The following TMEM117 variants were observed in gnomAD, a reference collection of about 807,000 sequenced individuals.
TMEM117 encodes the protein transmembrane protein 117.
TMEM117 carries 27 observed loss-of-function variants against 52.4 expected under a neutral mutation model. That is an observed-to-expected ratio of 0.51 (90% CI 0.38 to 0.71). The LOEUF is 0.71. TMEM117 is among the 30% of genes least tolerant of loss of function. TMEM117 has a pLI of 0.00. For missense variants in TMEM117, 556 were observed against 630.5 expected (o/e 0.88, Z 1.26); for synonymous variants, 215 against 206.3 (o/e 1.04, Z -0.36).
intron 3 of TMEM117, among the ~76,000 whole-genome samples, chr12:44,057,876 G>A (rs1947081560): frequency 6.6e-6 from 1 of 152,150 alleles, no homozygotes; most frequent in Non-Finnish European, 1.5e-5. Context: ...GATTTCTTCT[G>A]TATGAAATGG....
At chr12:43,999,378 A>G (rs1476402315) in intron 3 of TMEM117, among the ~76,000 whole-genome samples, 1 of 152,248 alleles carries the variant, frequency 6.6e-6, no homozygotes, top group Non-Finnish European at 1.5e-5. Context: ...CTGAGCTATT[A>G]CAGTTATTAA....
chr12:44,368,981 T>G (rs188569953), intron 6 of TMEM117, among the ~76,000 whole-genome samples: 1 of 152,312 alleles, frequency 6.6e-6, no homozygotes, highest in African/African-American at 2.4e-5. Context: ...AGTGTGTTTC[T>G]TTAGACTTTG....
chr12:44,393,721 T>C (rs1193554580), downstream of TMEM117, among the ~76,000 whole-genome samples: 1 of 152,220 alleles, frequency 6.6e-6, no homozygotes, highest in East Asian at 1.9e-4. Context: ...CTAGCAATTC[T>C]TACCGCTCAA....
chr12:44,040,964 T>C (rs1946788014), intron 3 of TMEM117, among the ~76,000 whole-genome samples: 1 of 152,024 alleles, frequency 6.6e-6, no homozygotes, highest in African/African-American at 2.4e-5. Flanking sequence ...CAAAAAGCAA[T>C]GATTGACAGA....
chr12:44,122,291 G>T (rs567073045), intron 3 of TMEM117, among the ~76,000 whole-genome samples: 1 of 152,144 alleles, frequency 6.6e-6, no homozygotes, highest in Admixed American at 6.5e-5. Flanking sequence ...TGATCTGCCT[G>T]CCTCGGCCTC....
At chr12:43,869,933 T>C (rs1047163852) in intron 2 of TMEM117, among the ~76,000 whole-genome samples, 1 of 152,070 alleles carries the variant, frequency 6.6e-6, no homozygotes, top group Non-Finnish European at 1.5e-5. Context: ...CCCCATACTC[T>C]CCTACAGGCC....
chr12:44,192,807 C>T (rs747345449), intron 4 of TMEM117, among the ~76,000 whole-genome samples: 11 of 152,170 alleles, frequency 7.2e-5, no homozygotes, highest in Non-Finnish European at 1.6e-4. Context: ...GCTATCAAGC[C>T]TCTCCAAGCT....
At chr12:44,265,454 C>T (rs1433060776) in intron 5 of TMEM117, among the ~76,000 whole-genome samples, 1 of 152,070 alleles carries the variant, frequency 6.6e-6, no homozygotes, top group East Asian at 1.9e-4. Flanking sequence ...AGAGGCAAAA[C>T]TAAAAGCAGT....
intron 4 of TMEM117, among the ~76,000 whole-genome samples, chr12:44,150,082 C>T (rs1017791529): frequency 6.6e-6 from 1 of 152,120 alleles, no homozygotes; most frequent in Non-Finnish European, 1.5e-5. Flanking sequence ...CCATTTTGAC[C>T]TCAACCTACC....
At chr12:44,127,130 T>C (rs1432568879) in intron 3 of TMEM117, among the ~76,000 whole-genome samples, 1 of 152,174 alleles carries the variant, frequency 6.6e-6, no homozygotes, top group Non-Finnish European at 1.5e-5. Flanking sequence ...GTGGAGGCAA[T>C]TTTACAGGAT....
chr12:44,317,824 T>C (rs1037493415), intron 6 of TMEM117, among the ~76,000 whole-genome samples: 1 of 152,166 alleles, frequency 6.6e-6, no homozygotes, highest in Non-Finnish European at 1.5e-5. Flanking sequence ...CTGCAGGCAA[T>C]GGGCTGAACT....
chr12:44,387,944 C>T, intron 7 of TMEM117, 82 bp from the exon 8 acceptor site: 1 of 1,218,180 alleles, frequency 8.2e-7, no homozygotes, highest in Non-Finnish European at 1.1e-6. Flanking sequence ...TGTTATTATA[C>T]CATTATCCTC....
rs949265604 is a variant in TMEM117 at position 44,255,614 on chromosome 12, G to A, written c.609-43966G>A. Among the ~76,000 whole-genome samples, 6 of 152,080 alleles carry A rather than the reference G, an allele frequency of 3.9e-5. 1 individual carries two copies. The South Asian group carries it at 6.2e-4, about 16-fold the overall frequency. On this transcript the variant is annotated intron_variant, in intron 5 of 7. Transcript: ENST00000266534. ...TTTCTTAAAAATATCCACAATGTAA[G>A]CAGTTAATTGTAAAAGCAGGATATA...
At chr12:44,126,437 A>C (rs184509829) in intron 3 of TMEM117, among the ~76,000 whole-genome samples, 86 of 152,316 alleles carry the variant, frequency 5.6e-4, no homozygotes, top group Non-Finnish European at 1.1e-3. Flanking sequence ...TTTTAGATTT[A>C]ACAAATATTC....
At chr12:43,921,496 A>G (rs1435164280) in intron 2 of TMEM117, among the ~76,000 whole-genome samples, 4 of 152,222 alleles carry the variant, frequency 2.6e-5, no homozygotes, top group African/African-American at 9.6e-5. Context: ...CTACTCTCTC[A>G]TCTACAAAAT....
At chr12:44,082,758 A>G (rs969480472) in intron 3 of TMEM117, among the ~76,000 whole-genome samples, 4 of 152,142 alleles carry the variant, frequency 2.6e-5, no homozygotes, top group African/African-American at 9.6e-5. Context: ...CTACCACTCA[A>G]ATCAGGAATC....
At chr12:43,981,478 G>C (rs1019415034) in intron 3 of TMEM117, among the ~76,000 whole-genome samples, 1 of 152,178 alleles carries the variant, frequency 6.6e-6, no homozygotes, top group Non-Finnish European at 1.5e-5. Context: ...TTAACTGTTA[G>C]AGCCACGTAA....
At chr12:44,165,908 A>G (rs1948960756) in intron 4 of TMEM117, among the ~76,000 whole-genome samples, 2 of 152,210 alleles carry the variant, frequency 1.3e-5, no homozygotes, top group African/African-American at 4.8e-5. Flanking sequence ...TTTATTCAAC[A>G]GCTGCAGAAT....
chr12:43,841,664 A>C (rs1943117905), intron 1 of TMEM117, among the ~76,000 whole-genome samples: 1 of 152,222 alleles, frequency 6.6e-6, no homozygotes, highest in Non-Finnish European at 1.5e-5. Flanking sequence ...GTATTTAAAA[A>C]AAGAGTCAAG....
Sources: allele counts gnomAD v4.1 joint callset (sites outside exome capture counted in the v4.1 genomes callset), GRCh38; gene constraint gnomAD v4.1.1; transcripts MANE v1.5; gene names NCBI Gene and HGNC (gene_info 2026-07-23, HGNC 2026-07-21).